The following DYNC1LI1 variants were observed in gnomAD, a reference collection of about 807,000 sequenced individuals.
DYNC1LI1 encodes dynein cytoplasmic 1 light intermediate chain 1, also known as cytoplasmic dynein 1 light intermediate chain 1.
In DYNC1LI1, 19 loss-of-function variants were observed where a neutral mutation model predicts 63.8. That is an observed-to-expected ratio of 0.30 (90% CI 0.21 to 0.44). DYNC1LI1 has a LOEUF of 0.44. Among genes scored for constraint, DYNC1LI1 ranks in the 20% least tolerant of loss-of-function variants. DYNC1LI1 has a pLI of 1.00. For missense variants in DYNC1LI1, 565 were observed against 630.2 expected (o/e 0.90, Z 1.11); for synonymous variants, 225 against 232.3 (o/e 0.97, Z 0.28).
chr3:32,545,546 T>C, intron 3 of DYNC1LI1: 1 of 358,868 alleles, frequency 2.8e-6, no homozygotes, highest in South Asian at 3.8e-5. Context: ...AATTAGAAAG[T>C]GAAATGGGAG....
intron 6 of DYNC1LI1, 69 bp downstream of exon 6, chr3:32,536,942 C>G: frequency 1.2e-6 from 1 of 853,016 alleles, no homozygotes; most frequent in Non-Finnish European, 1.9e-6. Flanking sequence ...CAATTTAATT[C>G]TTTTAACTTT....
At chr3:32,534,670 A>C in intron 6 of DYNC1LI1, 24 bp from the exon 7 acceptor site, 5 of 1,511,386 alleles carry the variant, frequency 3.3e-6, no homozygotes, top group Middle Eastern at 1.8e-4. Flanking sequence ...TTAAAGAAAA[A>C]TTCTGGACAA....
At chr3:32,564,310 T>C (rs927525103) in intron 2 of DYNC1LI1, among the ~76,000 whole-genome samples, 2 of 152,074 alleles carry the variant, frequency 1.3e-5, no homozygotes, top group African/African-American at 2.4e-5. Context: ...CAAGACCCCA[T>C]CTCTAAATAA....
At chr3:32,559,033 G>T (rs13325887) in intron 2 of DYNC1LI1, among the ~76,000 whole-genome samples, 4,414 of 150,220 alleles carry the variant, frequency 0.029, 236 homozygotes, top group African/African-American at 0.1. Context: ...TTAAAATGCT[G>T]TACTATTATC....
intron 8 of DYNC1LI1, chr3:32,531,763 A>G (rs986351932): frequency 1.3e-5 from 2 of 152,172 alleles, no homozygotes; most frequent in Admixed American, 6.5e-5. Flanking sequence ...TATGCTAAAT[A>G]AAAATTATTT....
intron 7 of DYNC1LI1, 37 bp from the exon 8 acceptor site, chr3:32,533,134 T>C: frequency 6.4e-7 from 1 of 1,567,346 alleles, no homozygotes; most frequent in Non-Finnish European, 8.6e-7. Context: ...CTCAAGCATT[T>C]ATATAGTCAT....
At chr3:32,555,818 G>A (rs9856978) in intron 2 of DYNC1LI1, among the ~76,000 whole-genome samples, 4,368 of 152,290 alleles carry the variant, frequency 0.029, 225 homozygotes, top group African/African-American at 0.099. Flanking sequence ...TTTAAAAAAT[G>A]GGTAAGAGAG....
chr3:32,540,250 T>C (rs1032889178), intron 5 of DYNC1LI1, among the ~76,000 whole-genome samples: 2 of 152,180 alleles, frequency 1.3e-5, no homozygotes, highest in South Asian at 2.1e-4. Context: ...ATTTTGATAA[T>C]AGTGGTCCTA....
At position 32,566,707 on chromosome 3, in the gene DYNC1LI1, T is replaced by C. The variant is rs191820052; in HGVS notation, c.220+3639A>G. The C allele has an allele frequency of 3.4e-5, 15 of 437,268 alleles. No homozygotes were observed. In the Admixed American group the frequency reaches 3.5e-4, roughly 10 times the overall value. 27.1% of individuals were successfully genotyped at this position (437,268 alleles called of 1,614,324 possible). On this transcript the variant is annotated intron_variant, in intron 2 of 12. Transcript: ENST00000273130. ...GAGCCGAAATCTTGCCATTACACTC[T>C]AGCCGGGGCAACAAGAGTGAAACTC...
intron 8 of DYNC1LI1, chr3:32,532,369 G>A (rs919231975): frequency 1.3e-5 from 2 of 151,510 alleles, no homozygotes; most frequent in African/African-American, 4.9e-5. Context: ...GGGAGGCTGA[G>A]GCGACAGAAT....
chr3:32,534,378 TC>T (rs1697746572), intron 7 of DYNC1LI1, 132 bp downstream of exon 7: 1 of 671,498 alleles, frequency 1.5e-6, no homozygotes, highest in Non-Finnish European at 2.5e-6. Flanking sequence ...CAAAAAACAA[TC>T]TAGGAACAGA....
rs1575158513 is a variant in DYNC1LI1 at position 32,558,109 on chromosome 3, C to T, written c.221-12144G>A. 2.6e-5 allele frequency among the ~76,000 whole-genome samples: 4 copies of T among 152,236 alleles called. No individual in the cohort carries two copies. The South Asian group carries it at 8.3e-4, about 32-fold the overall frequency. On this transcript the variant is annotated intron_variant, in intron 2 of 12. Coordinates refer to ENST00000273130, the MANE Select transcript of DYNC1LI1 (RefSeq NM_016141.4). ...ATTAGGCAGGCATGGTGGCACACAC[C>T]TGTAGCCCCAGCTACTCAGGAGGCT...
chr3:32,529,822 T>C (rs1468001065), intron 10 of DYNC1LI1, among the ~76,000 whole-genome samples, 162 bp from the exon 11 acceptor site: 2 of 152,200 alleles, frequency 1.3e-5, no homozygotes, highest in Admixed American at 6.5e-5. Flanking sequence ...TCCTCATTAT[T>C]AGAGAATGCC....
chr3:32,534,553 T>C lies in DYNC1LI1; in HGVS notation c.926A>G (p.Tyr309Cys), dbSNP rs750122388. ...YIVQKLYGFP[Y>C]KIPAVVVEKD... ...TTCCACAACAACAGCAGGAATCTTA[T>C]AGGGAAATCCATATAGTTTCTGAAC... Residue 309 changes from tyrosine to cysteine, a missense_variant, in exon 7 of 13, where the codon TAT (tyrosine) becomes TGT (cysteine). By Grantham distance (194) the Tyr-to-Cys change is radical. Transcript: ENST00000273130. 1.8e-5 allele frequency: 29 copies of C among 1,599,156 alleles called. No homozygotes were observed. The highest frequency in any genetic ancestry group is 2.4e-5 in the Non-Finnish European group (28 of 1,170,126).
chr3:32,530,162 G>T, intron 10 of DYNC1LI1, 122 bp downstream of exon 10: 1 of 808,622 alleles, frequency 1.2e-6, no homozygotes, highest in African/African-American at 1.8e-5. Context: ...AATTACAGAA[G>T]AATTCTGAAT....
Position 32,567,107 on chromosome 3 carries a change from T to C in DYNC1LI1, c.220+3239A>G, listed in dbSNP as rs1208264463. Reference sequence around the variant, plus strand: ...CAGTACTTTTGTTCAAAGACAGGCTTTGAGTAGAAAGAGTTTTGTACCTGG... The same window carrying C: ...CAGTACTTTTGTTCAAAGACAGGCTCTGAGTAGAAAGAGTTTTGTACCTGG... On this transcript the variant is annotated intron_variant, in intron 2 of 12. Transcript: ENST00000273130. Among the ~76,000 whole-genome samples the C allele has an allele frequency of 3.9e-5, 6 of 152,204 alleles. No homozygotes were observed. The East Asian group carries it at 5.8e-4, about 15-fold the overall frequency.
chr3:32,546,461 C>T (rs1427878356), intron 2 of DYNC1LI1, among the ~76,000 whole-genome samples: 2 of 152,124 alleles, frequency 1.3e-5, no homozygotes, highest in Non-Finnish European at 2.9e-5. Context: ...AGGATTCTCT[C>T]TCCGTCTTGT....
chr3:32,558,353 G>A (rs9868423), intron 2 of DYNC1LI1, among the ~76,000 whole-genome samples: 24,002 of 149,730 alleles, frequency 0.16, 2,230 homozygotes, highest in African/African-American at 0.26. Context: ...CAGGCCACAT[G>A]GGTCTCTGTC....
intron 2 of DYNC1LI1, among the ~76,000 whole-genome samples, chr3:32,563,092 G>C (rs906813083): frequency 4.6e-5 from 7 of 151,940 alleles, no homozygotes; most frequent in African/African-American, 1.2e-4. Flanking sequence ...TAAGCTCCTG[G>C]AGGGCAGGAG....
Sources: allele counts gnomAD v4.1 joint callset (sites outside exome capture counted in the v4.1 genomes callset), GRCh38; gene constraint gnomAD v4.1.1; transcripts MANE v1.5; gene names NCBI Gene and HGNC (gene_info 2026-07-23, HGNC 2026-07-21).